Variants in TMPRSS11D observed in about 807,000 individuals in gnomAD.
The protein encoded by TMPRSS11D is transmembrane protease serine 11D.
TMPRSS11D carries 32 observed loss-of-function variants against 44.4 expected under a neutral mutation model. The ratio of observed to expected loss-of-function variants is 0.72; its 90% CI spans 0.54 to 0.97. The LOEUF (loss-of-function observed/expected upper bound fraction) is 0.97. Ranked by LOEUF, TMPRSS11D falls within the 50% of genes least tolerant of loss-of-function variation. TMPRSS11D has a pLI of 0.00. For missense variants in TMPRSS11D, 446 were observed against 502.6 expected (o/e 0.89, Z 1.08); for synonymous variants, 179 against 177.9 (o/e 1.01, Z -0.05).
At chr4:67,828,893 C>T (rs1403104483) in intron 7 of TMPRSS11D, among the ~76,000 whole-genome samples, 2 of 152,104 alleles carry the variant, frequency 1.3e-5, no homozygotes, top group African/African-American at 4.8e-5. Context: ...TCTAAAGGGT[C>T]AGTGAAAAAT....
Position 67,883,956 on chromosome 4 carries a change from C to A in TMPRSS11D, c.-23G>T. The A allele has an allele frequency of 6.3e-7, 1 of 1,599,378 alleles. No individual in the cohort carries two copies. The highest frequency in any genetic ancestry group is 8.5e-7 in the Non-Finnish European group (1 of 1,173,562). On this transcript the variant is annotated 5_prime_UTR_variant, in exon 1 of 10. Coordinates refer to ENST00000283916, the MANE Select transcript of TMPRSS11D (RefSeq NM_004262.3). The stretch of plus-strand genomic sequence containing the variant: ...CATTTTAATCCTTAATGAAGAGGTT[C>A]TTTTTTCTGCCTACTCAACTGCTTT...
chr4:67,844,825 A>G (rs995751015), intron 3 of TMPRSS11D, among the ~76,000 whole-genome samples: 4 of 152,162 alleles, frequency 2.6e-5, no homozygotes, highest in Non-Finnish European at 4.4e-5. Flanking sequence ...TCTAAATTCT[A>G]TGATCTAGAA....
At chr4:67,823,139 G>A (rs764942118) in intron 9 of TMPRSS11D, among the ~76,000 whole-genome samples, 5 of 152,162 alleles carry the variant, frequency 3.3e-5, no homozygotes, top group Non-Finnish European at 5.9e-5. Flanking sequence ...GCCCTTAGGA[G>A]ATATTTGTTG....
intron 5 of TMPRSS11D, among the ~76,000 whole-genome samples, chr4:67,837,064 C>T (rs1015740690): frequency 1.3e-5 from 2 of 152,116 alleles, no homozygotes; most frequent in Admixed American, 1.3e-4. Context: ...TCTTGATTGT[C>T]AACACTCTTG....
In TMPRSS11D at chr4:67,822,341, A is replaced by G; in HGVS notation, c.1253T>C (p.Ile418Thr). The change falls in exon 10 of 10, where the codon ATC (isoleucine) becomes ACC (threonine). Residue 418 changes from isoleucine to threonine, a missense_variant. Physicochemically the swap from Ile to Thr is moderately conservative, Grantham distance 89. Coordinates refer to ENST00000283916, the MANE Select transcript of TMPRSS11D (RefSeq NM_004262.3). ...AACAGGGATGCACTTGTTGCACTAGATCCCAGTTTGTTGCCTAATCCAGTC... is the reference window on the plus strand; with the variant it reads ...AACAGGGATGCACTTGTTGCACTAGGTCCCAGTTTGTTGCCTAATCCAGTC... ...YLDWIRQQTG[I>T] 1 of 1,613,742 alleles carries G rather than the reference A, an allele frequency of 6.2e-7. No individual in the cohort carries two copies. Among genetic ancestry groups the G allele is most frequent in the Non-Finnish European group, 8.5e-7 (1 of 1,179,726 alleles).
At chr4:67,828,073 T>C (rs766389082) in intron 7 of TMPRSS11D, among the ~76,000 whole-genome samples, 66 of 151,766 alleles carry the variant, frequency 4.3e-4, no homozygotes, top group Non-Finnish European at 5.9e-4. Flanking sequence ...TATATACATA[T>C]GTATGTATGG....
rs139903642 is a variant in TMPRSS11D, at chr4:67,877,392, G to A, written c.8+6534C>T. 6.4e-4 allele frequency among the ~76,000 whole-genome samples: 97 copies of A among 152,220 alleles called. 1 individual carries two copies. In the East Asian group the frequency reaches 0.015, roughly 23 times the overall value. On this transcript the variant is annotated intron_variant, in intron 1 of 9. Coordinates refer to ENST00000283916, the MANE Select transcript of TMPRSS11D (RefSeq NM_004262.3). ...AGTACCCACCCAGACTATTTCAGTA[G>A]GTCTGGTCTTGCATCTCAGAGTTCT...
chr4:67,849,824 A>G (rs537576682), intron 3 of TMPRSS11D, among the ~76,000 whole-genome samples: 1 of 152,156 alleles, frequency 6.6e-6, no homozygotes, highest in Admixed American at 6.5e-5. Context: ...TGATCCTTAG[A>G]TTTTGAGTCA....
chr4:67,871,093 G>T (rs1383490259), intron 1 of TMPRSS11D, among the ~76,000 whole-genome samples: 13 of 152,066 alleles, frequency 8.5e-5, no homozygotes, highest in Non-Finnish European at 1.3e-4. Context: ...TCCTAGGAAG[G>T]CATTGGCTAG....
At position 67,859,771 on chromosome 4, in the gene TMPRSS11D, T is replaced by A. The variant is rs942671729; in HGVS notation, c.9-93A>T. ...TGATTGTCTTCTGTCTTTCCCGGTC[T>A]CTTATCTGGGACATGGCTCTAGCCA... On this transcript the variant is annotated intron_variant, in intron 1 of 9. Coordinates refer to ENST00000283916, the MANE Select transcript of TMPRSS11D (RefSeq NM_004262.3). The A allele has an allele frequency of 4.0e-6, 6 of 1,509,990 alleles. No individual in the cohort carries two copies. The South Asian group carries it at 5.0e-5, about 13-fold the overall frequency. The allele number at this position is 1,509,990 out of a possible 1,614,324, so 93.5% of individuals were successfully genotyped here.
At chr4:67,856,197 G>A (rs1595932) in intron 2 of TMPRSS11D, among the ~76,000 whole-genome samples, 55,980 of 151,966 alleles carry the variant, frequency 0.37, 10,433 homozygotes, top group East Asian at 0.53. Context: ...AGCAGAAAGA[G>A]CAAATTTGAA....
At chr4:67,865,208 G>A (rs1048729272) in intron 1 of TMPRSS11D, among the ~76,000 whole-genome samples, 8 of 151,178 alleles carry the variant, frequency 5.3e-5, no homozygotes, top group Non-Finnish European at 1.0e-4. Context: ...TCAATACCAG[G>A]AGGAACTCTT....
At chr4:67,881,634 G>A (rs912878815) in intron 1 of TMPRSS11D, among the ~76,000 whole-genome samples, 7 of 152,116 alleles carry the variant, frequency 4.6e-5, no homozygotes, top group African/African-American at 1.7e-4. Flanking sequence ...TCAAAAACCA[G>A]GATTGAAACA....
chr4:67,881,935 C>G (rs79776487), intron 1 of TMPRSS11D, among the ~76,000 whole-genome samples: 2 of 152,114 alleles, frequency 1.3e-5, no homozygotes, highest in Non-Finnish European at 2.9e-5. Flanking sequence ...AATCTTTATC[C>G]TATTTCCCAA....
chr4:67,864,308 G>C (rs746591303), intron 1 of TMPRSS11D, among the ~76,000 whole-genome samples: 6 of 151,880 alleles, frequency 4.0e-5, no homozygotes, highest in Non-Finnish European at 5.9e-5. Flanking sequence ...AGGTACTTTT[G>C]GAGTACAAGA....
At chr4:67,825,979 A>G (rs1055337168) in intron 8 of TMPRSS11D, 105 bp from the exon 9 acceptor site, 1 of 1,301,368 alleles carries the variant, frequency 7.7e-7, no homozygotes, top group Non-Finnish European at 1.0e-6. Context: ...ATTATTTCAT[A>G]TTTAACAATG....
chr4:67,866,577 C>T (rs1353035508), intron 1 of TMPRSS11D, among the ~76,000 whole-genome samples: 1 of 151,712 alleles, frequency 6.6e-6, no homozygotes, highest in African/African-American at 2.4e-5. Context: ...TGATCTTATA[C>T]CTAGAAAATC....
At chr4:67,857,322 T>TACAC (rs140893348) in intron 2 of TMPRSS11D, among the ~76,000 whole-genome samples, 1 of 3,434 alleles carries the variant, frequency 2.9e-4, no homozygotes, top group African/African-American at 3.7e-4. Context: ...TATATATATA[T>TACAC]ACACACACAC....
At chr4:67,845,653 G>A (rs1451632425) in intron 3 of TMPRSS11D, among the ~76,000 whole-genome samples, 1 of 151,982 alleles carries the variant, frequency 6.6e-6, no homozygotes, top group Non-Finnish European at 1.5e-5. Context: ...AACCTGTACT[G>A]CTGACACTTT....
Sources: gnomAD v4.1 joint callset for allele counts (sites outside exome capture counted in the v4.1 genomes callset) on GRCh38, gnomAD v4.1.1 for gene constraint, MANE v1.5 for transcripts, NCBI Gene and HGNC (gene_info 2026-07-23, HGNC 2026-07-21) for gene names.